AFF3: variants seen among roughly 807,000 people sequenced by gnomAD.
AFF3 encodes the protein ALF transcription elongation factor 3, also known as AF4/FMR2 family member 3.
In AFF3, 32 loss-of-function variants were observed where a neutral mutation model predicts 129.7. The ratio of observed to expected loss-of-function variants is 0.25; its 90% CI spans 0.19 to 0.33. The LOEUF (loss-of-function observed/expected upper bound fraction) is 0.33, where lower values mean the gene tolerates loss of function less well. Ranked by LOEUF, AFF3 falls within the 10% of genes least tolerant of loss-of-function variation. The pLI is 1.00. For missense variants in AFF3, 1,373 were observed against 1,592.0 expected (o/e 0.86, Z 2.34); for synonymous variants, 644 against 635.4 (o/e 1.01, Z -0.20).
intron 11 of AFF3, among the ~76,000 whole-genome samples, chr2:99,717,288 T>G (rs1295190775): frequency 6.6e-6 from 1 of 152,228 alleles, no homozygotes; most frequent in Non-Finnish European, 1.5e-5. Flanking sequence ...GTGTGTTCAT[T>G]TATAAGAAAC....
intron 7 of AFF3, among the ~76,000 whole-genome samples, chr2:99,894,340 A>G (rs1693777987): frequency 6.6e-6 from 1 of 152,020 alleles, no homozygotes; most frequent in African/African-American, 2.4e-5. Context: ...TGTTGAGGGA[A>G]GGGAGGAGAG....
chr2:99,757,236 G>A (rs1313439479), intron 8 of AFF3, among the ~76,000 whole-genome samples: 4 of 152,022 alleles, frequency 2.6e-5, no homozygotes, highest in South Asian at 2.1e-4. Context: ...CAGGTCTAAC[G>A]TGCCCACTCT....
chr2:99,643,036 C>T (rs1684350254), intron 13 of AFF3, among the ~76,000 whole-genome samples: 1 of 147,274 alleles, frequency 6.8e-6, no homozygotes. Flanking sequence ...GTTTTTTATT[C>T]ATATGGCATA....
intron 7 of AFF3, among the ~76,000 whole-genome samples, chr2:99,971,255 CCG>C (rs1455711568): frequency 1.3e-5 from 2 of 152,190 alleles, no homozygotes; most frequent in African/African-American, 4.8e-5. Context: ...AGGTCTCCGT[CCG>C]CCAGGACTTG....
chr2:99,650,896 G>A (rs1297733230), intron 12 of AFF3, among the ~76,000 whole-genome samples: 3 of 151,546 alleles, frequency 2.0e-5, no homozygotes, highest in Non-Finnish European at 2.9e-5. Flanking sequence ...TATTTTGGCC[G>A]GGCATGGTGG....
intron 4 of AFF3, among the ~76,000 whole-genome samples, chr2:100,074,168 C>T (rs572195596): frequency 6.6e-4 from 100 of 152,276 alleles, no homozygotes; most frequent in Non-Finnish European, 1.4e-3. Context: ...CACTGTCTCC[C>T]GATCTAACGG....
chr2:100,011,329 T>C (rs1307693907), intron 4 of AFF3, among the ~76,000 whole-genome samples: 1 of 152,078 alleles, frequency 6.6e-6, no homozygotes, highest in East Asian at 1.9e-4. Flanking sequence ...TTCCCATACA[T>C]AGCAGGGACT....
At chr2:99,793,771 TA>T (rs1685372716) in intron 8 of AFF3, among the ~76,000 whole-genome samples, 1 of 152,208 alleles carries the variant, frequency 6.6e-6, no homozygotes, top group African/African-American at 2.4e-5. Flanking sequence ...TTTCTATTTT[TA>T]ATGAGTTCTG....
At chr2:99,732,983 A>C (rs2105046602) in intron 10 of AFF3, among the ~76,000 whole-genome samples, 1 of 152,328 alleles carries the variant, frequency 6.6e-6, no homozygotes, top group Non-Finnish European at 1.5e-5. Context: ...TTTCTTAAAA[A>C]TTATTTTTTA....
chr2:99,623,464 C>T (rs905092979), intron 13 of AFF3, among the ~76,000 whole-genome samples: 7 of 152,176 alleles, frequency 4.6e-5, no homozygotes, highest in Admixed American at 2.0e-4. Flanking sequence ...GAGGCTCGCC[C>T]TGCAATTTAG....
At position 99,593,848 on chromosome 2, in the gene AFF3, G is replaced by C. The variant is rs762061233; in HGVS notation, c.1813C>G (p.Pro605Ala). 6.3e-7 allele frequency: 1 copy of C among 1,593,610 alleles called. No homozygotes were observed. The highest frequency in any genetic ancestry group is 1.8e-5 in the Admixed American group (1 of 56,592). The change falls in exon 15 of 25, where the codon CCC becomes GCC. Residue 605 changes from proline (P) to alanine (A), a missense_variant. Physicochemically the swap from Pro to Ala is conservative, Grantham distance 27. Transcript: ENST00000672756. ...GCGTCCGCGGCCGCGGGCTCCTCGG[G>C]CCGGTGGCAGTTGGCGCCGTCCCCG... ...SAGDGANCHR[P>A]EEPAAADALG... is the part of the protein sequence containing the mutation.
intron 7 of AFF3, among the ~76,000 whole-genome samples, chr2:99,895,794 C>G (rs535873842): frequency 2.0e-5 from 3 of 152,084 alleles, no homozygotes; most frequent in African/African-American, 7.2e-5. Context: ...CTCGGATGGG[C>G]GTGGTGGCTC....
intron 8 of AFF3, among the ~76,000 whole-genome samples, chr2:99,773,087 C>A (rs11123796): frequency 0.72 from 109,363 of 152,060 alleles, 40,912 homozygotes; most frequent in South Asian, 0.89. Context: ...CCACATCCTA[C>A]CCTTCTATCA....
chr2:99,565,715 C>G, intron 19 of AFF3, 92 bp from the exon 20 acceptor site: 1 of 1,351,444 alleles, frequency 7.4e-7, no homozygotes. Flanking sequence ...TTGAGAAACC[C>G]AACTCTGACT....
intron 13 of AFF3, among the ~76,000 whole-genome samples, chr2:99,635,185 A>G (rs1455867464): frequency 1.3e-5 from 2 of 151,746 alleles, no homozygotes; most frequent in Non-Finnish European, 2.9e-5. Context: ...TCTATATATG[A>G]TATATACACA....
At chr2:99,757,510 T>G (rs143358760) in intron 8 of AFF3, among the ~76,000 whole-genome samples, 1 of 152,348 alleles carries the variant, frequency 6.6e-6, no homozygotes, top group East Asian at 1.9e-4. Flanking sequence ...TTAAACGCTT[T>G]ATGTGATTTG....
chr2:100,021,225 A>C (rs1683566132), intron 4 of AFF3, among the ~76,000 whole-genome samples: 1 of 152,120 alleles, frequency 6.6e-6, no homozygotes, highest in Non-Finnish European at 1.5e-5. Flanking sequence ...CCTTTATTAA[A>C]CCATACCATA....
chr2:99,938,544 T>C (rs1465053716), intron 7 of AFF3, among the ~76,000 whole-genome samples: 1 of 152,198 alleles, frequency 6.6e-6, no homozygotes, highest in Non-Finnish European at 1.5e-5. Flanking sequence ...GTCATTTCTG[T>C]GAAGGCATTT....
chr2:99,894,710 C>T (rs1006483862), intron 7 of AFF3, among the ~76,000 whole-genome samples: 8 of 151,918 alleles, frequency 5.3e-5, no homozygotes, highest in African/African-American at 1.9e-4. Context: ...CTCCTGACCT[C>T]GTGATCCGCC....
Sources: allele counts gnomAD v4.1 joint callset (sites outside exome capture counted in the v4.1 genomes callset), GRCh38; gene constraint gnomAD v4.1.1; transcripts MANE v1.5; gene names NCBI Gene and HGNC (gene_info 2026-07-23, HGNC 2026-07-21).